Variants in FRMD4A observed in about 807,000 individuals in gnomAD.
The protein encoded by FRMD4A is FERM domain containing 4A.
In FRMD4A, 29 loss-of-function variants were observed where a neutral mutation model predicts 129.1. The observed-to-expected ratio is 0.22, with a 90% confidence interval of 0.17 to 0.31. The LOEUF (loss-of-function observed/expected upper bound fraction) is 0.31. FRMD4A is among the 10% of genes least tolerant of loss of function. FRMD4A has a pLI of 1.00. For missense variants in FRMD4A, 1,272 were observed against 1,375.8 expected (o/e 0.92, Z 1.19); for synonymous variants, 634 against 571.6 (o/e 1.11, Z -1.56).
chr10:13,793,800 G>A (rs572190978), intron 5 of FRMD4A, among the ~76,000 whole-genome samples: 15 of 152,290 alleles, frequency 9.8e-5, no homozygotes, highest in African/African-American at 3.6e-4. Context: ...GCATCCCTAG[G>A]CAGATGTCAG....
chr10:13,796,889 T>G (rs1394903907), intron 4 of FRMD4A, among the ~76,000 whole-genome samples: 1 of 152,046 alleles, frequency 6.6e-6, no homozygotes, highest in Non-Finnish European at 1.5e-5. Flanking sequence ...CCGGCTAATT[T>G]TTGTATTTTT....
intron 5 of FRMD4A, among the ~76,000 whole-genome samples, chr10:13,784,833 A>G (rs1347393268): frequency 6.6e-6 from 1 of 152,102 alleles, no homozygotes; most frequent in Non-Finnish European, 1.5e-5. Flanking sequence ...TCTACTAAAA[A>G]TACAAAAATT....
chr10:14,293,396 G>A (rs990817657), intron 2 of FRMD4A, among the ~76,000 whole-genome samples: 23 of 152,090 alleles, frequency 1.5e-4, no homozygotes, highest in African/African-American at 4.6e-4. Context: ...AAATAAATTC[G>A]TATTGCTTAC....
chr10:14,272,991 G>T (rs1218349), intron 2 of FRMD4A, among the ~76,000 whole-genome samples: 1 of 151,670 alleles, frequency 6.6e-6, no homozygotes, highest in Non-Finnish European at 1.5e-5. Flanking sequence ...TGAGGCAGAC[G>T]GATTGCCTGA....
chr10:14,191,879 T>C (rs1489673360), intron 2 of FRMD4A, among the ~76,000 whole-genome samples: 1 of 151,722 alleles, frequency 6.6e-6, no homozygotes, highest in Non-Finnish European at 1.5e-5. Context: ...TATACTTTCC[T>C]AGATGTTTCT....
At chr10:14,276,366 C>A (rs1462384920) in intron 2 of FRMD4A, among the ~76,000 whole-genome samples, 1 of 152,168 alleles carries the variant, frequency 6.6e-6, no homozygotes, top group Non-Finnish European at 1.5e-5. Flanking sequence ...TTGGCAACTT[C>A]CTCTGTGTGG....
intron 3 of FRMD4A, among the ~76,000 whole-genome samples, chr10:13,820,183 GTTT>G (rs1188422750): frequency 1.3e-5 from 2 of 152,266 alleles, no homozygotes; most frequent in Non-Finnish European, 2.9e-5. Context: ...GGGAGAGTGA[GTTT>G]CTGTTATTTT....
intron 2 of FRMD4A, among the ~76,000 whole-genome samples, chr10:13,967,711 T>C (rs925958822): frequency 6.6e-6 from 1 of 152,214 alleles, no homozygotes; most frequent in African/African-American, 2.4e-5. Context: ...TTGTCCTCTG[T>C]CATTAGTTCC....
At chr10:13,968,211 A>T (rs2095496936) in intron 2 of FRMD4A, among the ~76,000 whole-genome samples, 1 of 152,182 alleles carries the variant, frequency 6.6e-6, no homozygotes, top group Non-Finnish European at 1.5e-5. Flanking sequence ...GGGAGTCAGG[A>T]CTGAGTATGG....
intron 2 of FRMD4A, among the ~76,000 whole-genome samples, chr10:14,026,425 A>G (rs1832988780): frequency 6.6e-6 from 1 of 152,240 alleles, no homozygotes; most frequent in Non-Finnish European, 1.5e-5. Flanking sequence ...TTAGCTTGAC[A>G]GTGGGTCCTA....
chr10:14,050,180 C>T (rs1834192546), intron 2 of FRMD4A, among the ~76,000 whole-genome samples: 1 of 152,192 alleles, frequency 6.6e-6, no homozygotes, highest in Non-Finnish European at 1.5e-5. Flanking sequence ...ATAAAGCACT[C>T]AGGACAGTGC....
At chr10:13,941,820 A>C (rs896346214) in intron 2 of FRMD4A, among the ~76,000 whole-genome samples, 1 of 152,230 alleles carries the variant, frequency 6.6e-6, no homozygotes, top group Admixed American at 6.5e-5. Flanking sequence ...GCACAAAAAC[A>C]GAAAGTCTTA....
intron 2 of FRMD4A, among the ~76,000 whole-genome samples, chr10:14,062,330 A>T (rs1208228446): frequency 6.6e-6 from 1 of 152,240 alleles, no homozygotes; most frequent in African/African-American, 2.4e-5. Context: ...AATTTTGTGT[A>T]TCTGATTACA....
rs187735302 is a variant in FRMD4A at position 13,751,341 on chromosome 10, G to A, written c.465-3522C>T. Among the ~76,000 whole-genome samples, 17 of 152,314 alleles carry A rather than the reference G, an allele frequency of 1.1e-4. No individual in the cohort carries two copies. The East Asian group carries it at 2.9e-3, about 26-fold the overall frequency. On this transcript the variant is annotated intron_variant, in intron 8 of 24. Transcript: ENST00000357447. ...AAATCTAACAAGAAATCACCAAGGCGTGAAACCTGTCCAAATCCATTATAT... is the reference window on the plus strand; with the variant it reads ...AAATCTAACAAGAAATCACCAAGGCATGAAACCTGTCCAAATCCATTATAT...
At position 13,793,276 on chromosome 10, in the gene FRMD4A, A is replaced by G. The variant is rs192828035; in HGVS notation, c.299+3220T>C. 2.0e-5 allele frequency among the ~76,000 whole-genome samples: 3 copies of G among 151,142 alleles called. No homozygotes were observed. In the East Asian group the frequency reaches 5.9e-4, roughly 30 times the overall value. On this transcript the variant is annotated intron_variant, in intron 5 of 24. Coordinates refer to ENST00000357447, the MANE Select transcript of FRMD4A (RefSeq NM_018027.5). ...GATCTCTGCCTCCCTGGTTCAAGTG[A>G]TTCTCCTGCCTCAGCCTCCCAAGTA...
intron 2 of FRMD4A, among the ~76,000 whole-genome samples, chr10:14,127,333 T>C (rs1838899566): frequency 6.6e-6 from 1 of 152,202 alleles, no homozygotes; most frequent in East Asian, 1.9e-4. Context: ...TCTGCTCTTC[T>C]TGTTTTGCAA....
chr10:14,308,757 G>A (rs1273862124), intron 2 of FRMD4A, among the ~76,000 whole-genome samples: 2 of 152,000 alleles, frequency 1.3e-5, no homozygotes, highest in Non-Finnish European at 2.9e-5. Flanking sequence ...CTTCCCAGTA[G>A]GCCCAGGCAA....
chr10:14,294,028 A>T (rs1218457), intron 2 of FRMD4A, among the ~76,000 whole-genome samples: 80,836 of 151,986 alleles, frequency 0.53, 22,313 homozygotes, highest in African/African-American at 0.69. Flanking sequence ...ACAGTACCAC[A>T]ACCAAGAAAA....
chr10:13,894,567 G>C (rs183079422), intron 2 of FRMD4A, among the ~76,000 whole-genome samples: 1 of 152,120 alleles, frequency 6.6e-6, no homozygotes, highest in African/African-American at 2.4e-5. Flanking sequence ...TAAAGACTGC[G>C]GGTGGCTTCT....
Sources: allele counts gnomAD v4.1 joint callset (sites outside exome capture counted in the v4.1 genomes callset), GRCh38; gene constraint gnomAD v4.1.1; transcripts MANE v1.5; gene names NCBI Gene and HGNC (gene_info 2026-07-23, HGNC 2026-07-21).